Variants in ZBBX observed in about 807,000 individuals in gnomAD.
ZBBX encodes the protein zinc finger B-box domain containing, also known as zinc finger B-box domain-containing protein 1.
A neutral mutation model predicts 108.5 loss-of-function variants in ZBBX; 101 were observed. The observed-to-expected ratio is 0.93, with a 90% CI of 0.79 to 1.10. The LOEUF is 1.10. ZBBX is among the 50% of genes least tolerant of loss of function. ZBBX has a pLI of 0.00. For synonymous variants in ZBBX, 356 were observed against 323.4 expected (o/e 1.10, Z -1.08); for missense variants, 1,009 against 941.4 (o/e 1.07, Z -0.94).
the ZBBX span, among the ~76,000 whole-genome samples, chr3:167,233,243 C>T: frequency 6.6e-6 from 1 of 151,858 alleles, no homozygotes; most frequent in Non-Finnish European, 1.5e-5. Flanking sequence ...TGGAACTGAA[C>T]CAACTCTGGG....
At chr3:167,230,145 C>T in the ZBBX span, among the ~76,000 whole-genome samples, 1 of 151,870 alleles carries the variant, frequency 6.6e-6, no homozygotes, top group Admixed American at 6.6e-5. Context: ...GACTAATAAA[C>T]AGTATCTACT....
chr3:167,384,239 A>T (rs905071451), upstream of ZBBX, among the ~76,000 whole-genome samples: 3 of 152,126 alleles, frequency 2.0e-5, no homozygotes, highest in African/African-American at 7.2e-5. Context: ...TTAGTCCAAG[A>T]TAGAAATAAT....
chr3:167,344,524 C>T (rs999720902), intron 9 of ZBBX, among the ~76,000 whole-genome samples: 7 of 151,738 alleles, frequency 4.6e-5, no homozygotes, highest in African/African-American at 1.2e-4. Flanking sequence ...CCTGTGTTAA[C>T]TAAACCTTTA....
intron 16 of ZBBX, among the ~76,000 whole-genome samples, chr3:167,307,780 G>A (rs187871017): frequency 5.1e-4 from 77 of 152,192 alleles, no homozygotes; most frequent in Middle Eastern, 3.4e-3. Context: ...ATTGAAGCTG[G>A]ACCCCTTCCT....
chr3:167,263,332 T>C (rs1411336185), intron 20 of ZBBX, among the ~76,000 whole-genome samples: 7 of 152,264 alleles, frequency 4.6e-5, no homozygotes, highest in Non-Finnish European at 7.4e-5. Flanking sequence ...TTGAAGTTAT[T>C]TTGTTTTTGT....
At chr3:167,303,145 T>C (rs1733013177) in intron 17 of ZBBX, among the ~76,000 whole-genome samples, 1 of 152,218 alleles carries the variant, frequency 6.6e-6, no homozygotes, top group African/African-American at 2.4e-5. Context: ...TTTCCTTTGA[T>C]GCATTTATTT....
At chr3:167,278,418 AT>A (rs1360288361) in intron 20 of ZBBX, among the ~76,000 whole-genome samples, 1 of 140,032 alleles carries the variant, frequency 7.1e-6, no homozygotes, top group Non-Finnish European at 1.5e-5. Flanking sequence ...TAAAGGGGAT[AT>A]CACCACCGAT....
intron 20 of ZBBX, among the ~76,000 whole-genome samples, chr3:167,259,169 G>A (rs1304187144): frequency 2.0e-5 from 3 of 152,112 alleles, no homozygotes; most frequent in African/African-American, 7.2e-5. Context: ...GATCTGTTCA[G>A]GGTATCTAAT....
At chr3:167,222,828 T>C in the ZBBX span, among the ~76,000 whole-genome samples, 1 of 146,502 alleles carries the variant, frequency 6.8e-6, no homozygotes, top group African/African-American at 2.5e-5. Flanking sequence ...AGAGAGAGAT[T>C]GGTAACGGGT....
chr3:167,187,999 G>A, the ZBBX span, among the ~76,000 whole-genome samples: 13 of 152,068 alleles, frequency 8.5e-5, no homozygotes, highest in East Asian at 1.9e-4. Flanking sequence ...CCAGAATTAC[G>A]TATTTTCCAA....
chr3:167,368,404 ATAGTTCTTTATATAATTTAG>A (rs1224557718), intron 5 of ZBBX, 37 bp downstream of exon 5: 2 of 1,215,492 alleles, frequency 1.6e-6, no homozygotes, highest in Non-Finnish European at 2.4e-6. Flanking sequence ...AGTATATAAA[ATAGTTCTTTATATAATTTAG>A]TTGATTCATC....
At chr3:167,329,926 A>T (rs1281708588) in intron 10 of ZBBX, among the ~76,000 whole-genome samples, 3 of 152,226 alleles carry the variant, frequency 2.0e-5, no homozygotes, top group Non-Finnish European at 4.4e-5. Context: ...ACATTTGCCC[A>T]CATTGATCAA....
the ZBBX span, among the ~76,000 whole-genome samples, chr3:167,200,468 G>A: frequency 3.3e-5 from 5 of 152,048 alleles, no homozygotes; most frequent in Non-Finnish European, 1.5e-5. Context: ...TTTGAAACTG[G>A]AGCCTGAAAT....
chr3:167,382,588 C>T (rs181104311), upstream of ZBBX, among the ~76,000 whole-genome samples: 249 of 152,224 alleles, frequency 1.6e-3, 1 homozygote, highest in African/African-American at 5.1e-3. Context: ...ATTTACATGA[C>T]TCATTTTACT....
intron 1 of ZBBX, among the ~76,000 whole-genome samples, chr3:167,403,601 T>C (rs1748493107): frequency 6.6e-6 from 1 of 152,004 alleles, no homozygotes; most frequent in Non-Finnish European, 1.5e-5. Flanking sequence ...TATTGTGAGG[T>C]TAATAATATA....
chr3:167,313,204 C>A (rs1270127635), intron 16 of ZBBX, among the ~76,000 whole-genome samples: 1 of 152,132 alleles, frequency 6.6e-6, no homozygotes, highest in Non-Finnish European at 1.5e-5. Flanking sequence ...CATATGAACA[C>A]AGCATTCTAA....
intron 20 of ZBBX, among the ~76,000 whole-genome samples, chr3:167,271,550 T>C (rs1726521506): frequency 6.6e-6 from 1 of 152,238 alleles, no homozygotes; most frequent in East Asian, 1.9e-4. Context: ...TCCAAACCTC[T>C]CCTGAGAGAA....
chr3:167,204,828 G>T, the ZBBX span, among the ~76,000 whole-genome samples: 1 of 151,940 alleles, frequency 6.6e-6, no homozygotes, highest in Admixed American at 6.6e-5. Context: ...TTCAGGGAGA[G>T]AATGTCTTTG....
intron 20 of ZBBX, among the ~76,000 whole-genome samples, chr3:167,279,954 G>C (rs200636879): frequency 6.6e-6 from 1 of 150,860 alleles, no homozygotes; most frequent in Non-Finnish European, 1.5e-5. Flanking sequence ...CATATCTACA[G>C]CTATCTGATC....
Sources: gnomAD v4.1 joint callset for allele counts (sites outside exome capture counted in the v4.1 genomes callset) on GRCh38, gnomAD v4.1.1 for gene constraint, MANE v1.5 for transcripts, NCBI Gene and HGNC (gene_info 2026-07-23, HGNC 2026-07-21) for gene names.